The following B9D1 variants were observed in gnomAD, a reference collection of about 807,000 sequenced individuals.
B9D1 encodes the protein B9 domain containing 1.
A neutral mutation model predicts 26.1 loss-of-function variants in B9D1; 20 were observed. The observed-to-expected ratio is 0.77, with a 90% CI of 0.54 to 1.12. The LOEUF (loss-of-function observed/expected upper bound fraction) is 1.12. Ranked by LOEUF, B9D1 falls within the 50% of genes most tolerant of loss-of-function variation. The probability of loss-of-function intolerance (pLI) is 0.00; values close to 1 mark genes in which losing one functional copy is unlikely to be tolerated. For missense variants in B9D1, 260 were observed against 273.7 expected, an observed-to-expected ratio of 0.95 and a Z score of 0.35; for synonymous variants, 105 against 103.1, an observed-to-expected ratio of 1.02 and a Z score of -0.11.
downstream of B9D1, among the ~76,000 whole-genome samples, chr17:19,337,962 C>T (rs140699062): frequency 9.2e-5 from 14 of 152,324 alleles, no homozygotes; most frequent in East Asian, 1.9e-3. Context: ...TCTATCACAG[C>T]GGACTGTCTG....
downstream of B9D1, among the ~76,000 whole-genome samples, chr17:19,340,040 C>A (rs1018444741): frequency 4.0e-5 from 6 of 148,194 alleles, no homozygotes; most frequent in Non-Finnish European, 8.9e-5. Flanking sequence ...CCAACCCCCC[C>A]CCCCCCCCGG....
intron 6 of B9D1, 147 bp from the exon 7 acceptor site, chr17:19,343,608 TGCCGGGACAG>T: frequency 5.7e-6 from 9 of 1,573,026 alleles, no homozygotes; most frequent in Non-Finnish European, 7.8e-6. Context: ...GTAAAGGGGC[TGCCGGGACAG>T]GCAGACATGA....
At chr17:19,358,427 C>T (rs540960578) in intron 2 of B9D1, among the ~76,000 whole-genome samples, 6 of 152,324 alleles carry the variant, frequency 3.9e-5, no homozygotes, top group East Asian at 3.9e-4. Context: ...CCACACTCAC[C>T]GGCTCCAATT....
chr17:19,340,886 T>C (rs1297189155), downstream of B9D1: 1 of 163,570 alleles, frequency 6.1e-6, no homozygotes, highest in African/African-American at 2.4e-5. Flanking sequence ...TTCTGGTTAA[T>C]GGTAAGTGTG....
At chr17:19,368,592 C>T (rs192227776) in intron 1 of B9D1, among the ~76,000 whole-genome samples, 131 of 152,254 alleles carry the variant, frequency 8.6e-4, no homozygotes, top group African/African-American at 3.1e-3. Flanking sequence ...AGTTTACTTG[C>T]AGACAGACAA....
chr17:19,349,606 T>G (rs1391935866), intron 3 of B9D1, among the ~76,000 whole-genome samples: 1 of 152,170 alleles, frequency 6.6e-6, no homozygotes, highest in Non-Finnish European at 1.5e-5. Flanking sequence ...AGTCTCAAAC[T>G]CTTGGGCTCA....
intron 1 of B9D1, among the ~76,000 whole-genome samples, chr17:19,377,300 G>A (rs1247327355): frequency 6.6e-6 from 1 of 152,214 alleles, no homozygotes; most frequent in African/African-American, 2.4e-5. Flanking sequence ...AAATTAGGTA[G>A]TGATGATGGC....
intron 3 of B9D1, among the ~76,000 whole-genome samples, chr17:19,353,078 C>T (rs977305775): frequency 3.3e-5 from 5 of 151,240 alleles, no homozygotes; most frequent in South Asian, 4.2e-4. Flanking sequence ...TGGGTTCAAG[C>T]GATTCCCCTG....
chr17:19,374,783 T>G (rs1181755443), intron 1 of B9D1, among the ~76,000 whole-genome samples: 1 of 152,190 alleles, frequency 6.6e-6, no homozygotes, highest in African/African-American at 2.4e-5. Context: ...TCATCAAAAT[T>G]AAAAACTTTT....
intron 1 of B9D1, among the ~76,000 whole-genome samples, chr17:19,376,342 C>T (rs1912097582): frequency 6.6e-6 from 1 of 152,146 alleles, no homozygotes; most frequent in South Asian, 2.1e-4. Context: ...GTTCAGGCCA[C>T]GATGGGAGGT....
upstream of B9D1, among the ~76,000 whole-genome samples, chr17:19,365,905 A>G (rs1911569979): frequency 2.7e-5 from 4 of 150,266 alleles, no homozygotes; most frequent in Non-Finnish European, 3.0e-5. This position sits in a 1 kb window ranked among gnomAD's most constrained non-coding sequence, Gnocchi z 5.0. Flanking sequence ...CATTGCAGCT[A>G]TTCTTGTTGC....
chr17:19,352,198 G>A (rs953048040), intron 3 of B9D1, among the ~76,000 whole-genome samples: 3 of 152,102 alleles, frequency 2.0e-5, no homozygotes, highest in African/African-American at 4.8e-5. Context: ...TTTTTTCATC[G>A]TCTTAACTTG....
At chr17:19,340,436 G>T (rs999438587), downstream of B9D1, among the ~76,000 whole-genome samples, 2 of 96,612 alleles carry the variant, frequency 2.1e-5, no homozygotes, top group Non-Finnish European at 4.1e-5. Flanking sequence ...GCCTCCCAAA[G>T]TGCTGGGATT....
chr17:19,354,726 G>A (rs1910094021), intron 3 of B9D1, among the ~76,000 whole-genome samples: 1 of 152,192 alleles, frequency 6.6e-6, no homozygotes, highest in African/African-American at 2.4e-5. Context: ...CTACTCAGGA[G>A]GCTGAGGCGG....
chr17:19,339,703 C>T (rs757629265), downstream of B9D1, among the ~76,000 whole-genome samples: 3 of 152,218 alleles, frequency 2.0e-5, no homozygotes, highest in Non-Finnish European at 4.4e-5. Flanking sequence ...TGCCCAGACT[C>T]AGGCTCCTCC....
chr17:19,349,118 C>CA (rs1909252275), intron 3 of B9D1, among the ~76,000 whole-genome samples: 1 of 152,208 alleles, frequency 6.6e-6, no homozygotes, highest in Admixed American at 6.5e-5. Flanking sequence ...AGCACTCCCC[C>CA]AGCAGTGGTA....
intron 2 of B9D1, among the ~76,000 whole-genome samples, chr17:19,358,974 C>G (rs1910702082): frequency 6.6e-6 from 1 of 152,188 alleles, no homozygotes; most frequent in Admixed American, 6.5e-5. Context: ...AGGCTAAAAG[C>G]CCTGCTGTGA....
chr17:19,357,732 G>A, intron 3 of B9D1, 108 bp downstream of exon 3: 1 of 836,776 alleles, frequency 1.2e-6, no homozygotes, highest in Non-Finnish European at 2.1e-6. Context: ...AAGAGCCCAG[G>A]TGACAATCTG....
intron 1 of B9D1, among the ~76,000 whole-genome samples, chr17:19,374,814 A>G (rs1912035240): frequency 6.6e-6 from 1 of 152,236 alleles, no homozygotes; most frequent in African/African-American, 2.4e-5. Flanking sequence ...GGATGTTATC[A>G]AGAAAGTGAA....
Sources: allele counts gnomAD v4.1 joint callset (sites outside exome capture counted in the v4.1 genomes callset), GRCh38; gene constraint gnomAD v4.1.1; non-coding constraint Gnocchi (gnomAD v3.1); transcripts MANE v1.5; gene names NCBI Gene and HGNC (gene_info 2026-07-23, HGNC 2026-07-21).